The following PRKCB variants were observed in gnomAD, a reference collection of about 807,000 sequenced individuals.
PRKCB encodes the protein protein kinase C beta, also known as protein kinase C beta type.
A neutral mutation model predicts 81.5 loss-of-function variants in PRKCB; 13 were observed. The observed-to-expected ratio is 0.16, with a 90% CI of 0.10 to 0.25. The LOEUF is 0.25. Ranked by LOEUF, PRKCB falls within the 10% of genes least tolerant of loss-of-function variation. The pLI, the probability that PRKCB is intolerant of heterozygous loss-of-function variation, is 1.00. For synonymous variants in PRKCB, 335 were observed against 321.4 expected, an observed-to-expected ratio of 1.04 and a Z score of -0.45; for missense variants, 509 against 875.7, an observed-to-expected ratio of 0.58 and a Z score of 5.29.
intron 9 of PRKCB, among the ~76,000 whole-genome samples, chr16:24,135,091 T>G (rs756597384): frequency 4.6e-5 from 7 of 151,378 alleles, no homozygotes; most frequent in Admixed American, 2.0e-4. Context: ...AAAAAAAAAT[T>G]AAAGTGCCTT....
chr16:24,076,610 A>G (rs898293376), intron 5 of PRKCB, among the ~76,000 whole-genome samples: 8 of 152,190 alleles, frequency 5.3e-5, no homozygotes, highest in Non-Finnish European at 1.2e-4. Context: ...TCAGGGTACA[A>G]GTGACAGAAT....
At chr16:24,174,379 T>G in intron 11 of PRKCB, 139 bp from the exon 12 acceptor site, 1 of 737,340 alleles carries the variant, frequency 1.4e-6, no homozygotes, top group East Asian at 2.7e-5. Flanking sequence ...CTTTCAGCAC[T>G]TTATGAGCTA....
chr16:23,839,852 G>T (rs999561223), intron 2 of PRKCB, among the ~76,000 whole-genome samples: 4 of 152,220 alleles, frequency 2.6e-5, no homozygotes, highest in Non-Finnish European at 5.9e-5. Context: ...AGTATGCTCA[G>T]AAAATATCTG....
At chr16:23,963,587 C>T (rs575775981) in intron 2 of PRKCB, 10 of 152,270 alleles carry the variant, frequency 6.6e-5, no homozygotes, top group Admixed American at 1.3e-4. Flanking sequence ...GGGCAGTTTC[C>T]ACTGGGTGCT....
intron 3 of PRKCB, among the ~76,000 whole-genome samples, chr16:24,002,913 C>G (rs1035951280): frequency 6.6e-6 from 1 of 152,106 alleles, no homozygotes; most frequent in Non-Finnish European, 1.5e-5. Context: ...CTCCCTTACC[C>G]TCTGACCTGA....
At chr16:24,201,517 A>G (rs1967956783) in intron 16 of PRKCB, among the ~76,000 whole-genome samples, 1 of 152,188 alleles carries the variant, frequency 6.6e-6, no homozygotes, top group Non-Finnish European at 1.5e-5. Flanking sequence ...CCAGCAGCCT[A>G]GGACTCAATC....
At chr16:24,033,045 G>A (rs1251679285) in intron 4 of PRKCB, among the ~76,000 whole-genome samples, 2 of 152,208 alleles carry the variant, frequency 1.3e-5, no homozygotes, top group East Asian at 1.9e-4. Context: ...AGGTGGGGTA[G>A]GACTCCTCTT....
intron 2 of PRKCB, among the ~76,000 whole-genome samples, chr16:23,929,127 G>T (rs1345751691): frequency 1.3e-5 from 2 of 152,050 alleles, no homozygotes; most frequent in African/African-American, 2.4e-5. Flanking sequence ...ATAAGAGATG[G>T]CTCAGAGGAG....
chr16:23,937,022 G>GTTTTC (rs1964071086), intron 2 of PRKCB, among the ~76,000 whole-genome samples: 1 of 152,166 alleles, frequency 6.6e-6, no homozygotes, highest in Non-Finnish European at 1.5e-5. Flanking sequence ...TAGGTACAGG[G>GTTTTC]TTTTCTTTTC....
At chr16:23,974,720 A>C (rs1006750603) in intron 2 of PRKCB, among the ~76,000 whole-genome samples, 1 of 152,154 alleles carries the variant, frequency 6.6e-6, no homozygotes, top group African/African-American at 2.4e-5. Context: ...AGCACACAAA[A>C]GAACTCTAGT....
intron 9 of PRKCB, among the ~76,000 whole-genome samples, chr16:24,127,083 G>A (rs372690703): frequency 1.6e-4 from 23 of 141,834 alleles, no homozygotes; most frequent in East Asian, 1.3e-3. Flanking sequence ...TCAGCTCACC[G>A]CAACCTCCGC....
rs186707548 is a variant in PRKCB, at chr16:23,951,735, T to A, written c.206-36773T>A. ...ACCTGGTCCCCTGTCTTTTTTTTTT[T>A]AATTAATTGATAGTAACTCTTTATA... On this transcript the variant is annotated intron_variant, in intron 2 of 16. Transcript: ENST00000643927. Among the ~76,000 whole-genome samples, 1,162 of 152,022 alleles carry A rather than the reference T, an allele frequency of 7.6e-3. 12 individuals carry two copies. The highest frequency in any genetic ancestry group is 0.014 in the Admixed American group (217 of 15,262).
chr16:24,108,931 G>C (rs1206888093), intron 7 of PRKCB, among the ~76,000 whole-genome samples: 1 of 151,212 alleles, frequency 6.6e-6, no homozygotes, highest in African/African-American at 2.4e-5. Context: ...AGGGGCGGCC[G>C]GGCAGAGGCG....
chr16:24,082,890 A>C (rs2141893843), intron 5 of PRKCB, among the ~76,000 whole-genome samples: 1 of 152,334 alleles, frequency 6.6e-6, no homozygotes, highest in East Asian at 1.9e-4. Flanking sequence ...TTTATTTTGC[A>C]AGAAACAAAC....
At chr16:23,938,020 T>C (rs965597229) in intron 2 of PRKCB, among the ~76,000 whole-genome samples, 4 of 152,258 alleles carry the variant, frequency 2.6e-5, no homozygotes, top group Admixed American at 2.6e-4. Context: ...TCAAGAGAGC[T>C]GCAGTGGATG....
intron 9 of PRKCB, among the ~76,000 whole-genome samples, chr16:24,129,711 CATCA>C (rs71381643): frequency 6.6e-6 from 1 of 151,442 alleles, no homozygotes; most frequent in Non-Finnish European, 1.5e-5. Flanking sequence ...GTCTACGTAT[CATCA>C]ATCAATCAAT....
chr16:23,879,282 G>T (rs1483789281), intron 2 of PRKCB, among the ~76,000 whole-genome samples: 1 of 152,090 alleles, frequency 6.6e-6, no homozygotes, highest in Non-Finnish European at 1.5e-5. Context: ...GCTGAGAGCT[G>T]GGCACTGAAG....
intron 3 of PRKCB, among the ~76,000 whole-genome samples, chr16:24,002,593 C>T (rs1159088136): frequency 6.6e-6 from 1 of 152,134 alleles, no homozygotes; most frequent in East Asian, 1.9e-4. Flanking sequence ...CCTGCCTCAG[C>T]CTCCCAAAGT....
chr16:24,183,213 C>A (rs186377694), intron 13 of PRKCB, among the ~76,000 whole-genome samples: 1 of 152,220 alleles, frequency 6.6e-6, no homozygotes, highest in Admixed American at 6.5e-5. Context: ...TTCATTCATT[C>A]ATAATTGACC....
Sources: allele counts gnomAD v4.1 joint callset (sites outside exome capture counted in the v4.1 genomes callset), GRCh38; gene constraint gnomAD v4.1.1; transcripts MANE v1.5; gene names NCBI Gene and HGNC (gene_info 2026-07-23, HGNC 2026-07-21).